The following PRKAR2A variants were observed in gnomAD, a reference collection of about 807,000 sequenced individuals.
PRKAR2A encodes the protein cAMP-dependent protein kinase type II-alpha regulatory subunit.
PRKAR2A carries 29 observed loss-of-function variants against 51.9 expected under a neutral mutation model. The observed-to-expected ratio is 0.56, with a 90% CI of 0.42 to 0.76. The LOEUF (loss-of-function observed/expected upper bound fraction) is 0.76, where lower values mean the gene tolerates loss of function less well. PRKAR2A is among the 30% of genes least tolerant of loss of function. The pLI, the probability that PRKAR2A is intolerant of heterozygous loss-of-function variation, is 0.00. For missense variants in PRKAR2A, 445 were observed against 512.1 expected (o/e 0.87, Z 1.26); for synonymous variants, 178 against 186.2 (o/e 0.96, Z 0.36).
At position 48,749,049 on chromosome 3, in the gene PRKAR2A, T is replaced by C. The variant is rs1198061445; in HGVS notation, c.*2536A>G. The C allele has an allele frequency of 6.6e-6, 1 of 152,230 alleles. No homozygotes were observed. The highest frequency in any genetic ancestry group is 1.5e-5 in the Non-Finnish European group (1 of 68,044). 9.4% of individuals were successfully genotyped at this position (152,230 alleles called of 1,614,324 possible). On this transcript the variant is annotated 3_prime_UTR_variant, in exon 11 of 11. Coordinates refer to ENST00000265563, the MANE Select transcript of PRKAR2A (RefSeq NM_004157.4). ...TGGCAAAAGCGGAAAGCCTAGCTTA[T>C]GTGGATAGTTGAAGGTGACTGTGTG...
At chr3:48,758,846 A>G (rs1288771859) in intron 8 of PRKAR2A, among the ~76,000 whole-genome samples, 1 of 152,176 alleles carries the variant, frequency 6.6e-6, no homozygotes. Context: ...GACTTTCCTC[A>G]GAAGCCTGGG....
intron 3 of PRKAR2A, among the ~76,000 whole-genome samples, 173 bp downstream of exon 3, chr3:48,793,824 T>C (rs1254947413): frequency 3.3e-5 from 5 of 152,170 alleles, no homozygotes; most frequent in South Asian, 4.1e-4. Context: ...CAGCTAGGCA[T>C]TGCTCACATA....
chr3:48,834,013 C>A (rs1380104492), intron 1 of PRKAR2A, among the ~76,000 whole-genome samples: 5 of 131,666 alleles, frequency 3.8e-5, no homozygotes, highest in Non-Finnish European at 4.8e-5. Context: ...CCAGGCTGGG[C>A]AACAAAGCAA....
At chr3:48,840,302 C>G (rs1276117054) in intron 1 of PRKAR2A, among the ~76,000 whole-genome samples, 10 of 152,004 alleles carry the variant, frequency 6.6e-5, no homozygotes, top group Non-Finnish European at 1.5e-4. Context: ...TGAGACCAGC[C>G]TGGCTAACAT....
At chr3:48,833,244 T>C (rs1276207528) in intron 1 of PRKAR2A, among the ~76,000 whole-genome samples, 1 of 152,154 alleles carries the variant, frequency 6.6e-6, no homozygotes, top group Non-Finnish European at 1.5e-5. Context: ...CTCGCCATAT[T>C]GCCCAGGCTG....
At chr3:48,769,509 T>C (rs1329438089) in intron 6 of PRKAR2A, among the ~76,000 whole-genome samples, 1 of 151,548 alleles carries the variant, frequency 6.6e-6, no homozygotes, top group Non-Finnish European at 1.5e-5. Context: ...GGAGTTTCGT[T>C]CTTGTTGACC....
intron 1 of PRKAR2A, among the ~76,000 whole-genome samples, chr3:48,821,419 T>C (rs2082958242): frequency 6.6e-6 from 1 of 152,208 alleles, no homozygotes; most frequent in African/African-American, 2.4e-5. Flanking sequence ...TCAAAACTCT[T>C]ACTGATAATC....
intron 9 of PRKAR2A, among the ~76,000 whole-genome samples, chr3:48,753,304 T>C (rs74666820): frequency 1.3e-5 from 2 of 151,938 alleles, no homozygotes; most frequent in Admixed American, 6.6e-5. Context: ...TTTTTTTTTT[T>C]AACAAATCCA....
intron 1 of PRKAR2A, among the ~76,000 whole-genome samples, chr3:48,840,102 T>A (rs1336439668): frequency 1.3e-5 from 2 of 151,842 alleles, no homozygotes; most frequent in Non-Finnish European, 3.0e-5. Flanking sequence ...TTACCTTCTG[T>A]AAGTGGAATC....
At chr3:48,755,845 CT>C (rs2081753917) in intron 9 of PRKAR2A, among the ~76,000 whole-genome samples, 1 of 148,614 alleles carries the variant, frequency 6.7e-6, no homozygotes, top group Admixed American at 6.8e-5. Flanking sequence ...GTGGTACGAT[CT>C]CAGCTGACTG....
intron 1 of PRKAR2A, among the ~76,000 whole-genome samples, chr3:48,841,145 C>T (rs115682653): frequency 0.023 from 3,492 of 151,270 alleles, 154 homozygotes; most frequent in African/African-American, 0.079. Context: ...CTCGGCCCCC[C>T]AGTGCTGGGA....
At chr3:48,784,836 T>G (rs1486457141) in intron 4 of PRKAR2A, among the ~76,000 whole-genome samples, 2 of 152,158 alleles carry the variant, frequency 1.3e-5, no homozygotes, top group Non-Finnish European at 2.9e-5. Context: ...AAAGGTTTCA[T>G]TATAGGTTGT....
chr3:48,786,279 C>G (rs1413998431), intron 4 of PRKAR2A, among the ~76,000 whole-genome samples: 1 of 150,848 alleles, frequency 6.6e-6, no homozygotes, highest in Non-Finnish European at 1.5e-5. Flanking sequence ...TGTGTGCCAC[C>G]ATGCCCAGCT....
intron 5 of PRKAR2A, among the ~76,000 whole-genome samples, chr3:48,777,819 G>C (rs9882667): frequency 6.6e-6 from 1 of 152,116 alleles, no homozygotes; most frequent in Non-Finnish European, 1.5e-5. Context: ...CCTGCTCTCA[G>C]GGGAGCTTAC....
chr3:48,801,979 G>A (rs1232191072), intron 2 of PRKAR2A, among the ~76,000 whole-genome samples: 5 of 151,604 alleles, frequency 3.3e-5, no homozygotes, highest in Admixed American at 6.6e-5. Context: ...GTACGATCTC[G>A]GTTCACTGCA....
intron 9 of PRKAR2A, among the ~76,000 whole-genome samples, chr3:48,753,944 C>CTGGA (rs1200755149): frequency 2.1e-5 from 3 of 141,608 alleles, no homozygotes; most frequent in African/African-American, 8.0e-5. Flanking sequence ...GTTGCCCAGG[C>CTGGA]TGGAGTGCAG....
At chr3:48,815,891 C>T (rs567676103) in intron 1 of PRKAR2A, among the ~76,000 whole-genome samples, 12 of 150,298 alleles carry the variant, frequency 8.0e-5, no homozygotes, top group African/African-American at 1.5e-4. Context: ...TGGTGGCACG[C>T]GCCTGTAATC....
intron 4 of PRKAR2A, among the ~76,000 whole-genome samples, chr3:48,783,332 A>C (rs1043803091): frequency 2.0e-5 from 3 of 152,042 alleles, no homozygotes; most frequent in African/African-American, 7.2e-5. Flanking sequence ...GCTTCCCAAA[A>C]TTTACACAAA....
chr3:48,844,995 A>C lies in PRKAR2A; in HGVS notation c.262+2340T>G, dbSNP rs539931447. The stretch of plus-strand genomic sequence containing the variant: ...TAAAGTATAATAAAAAAGAAAAAAA[A>C]CTTGTAAACTTTTACTCATCTGAGG... On this transcript the variant is annotated intron_variant, in intron 1 of 10. Transcript: ENST00000265563. Among the ~76,000 whole-genome samples the C allele has an allele frequency of 2.2e-4, 33 of 152,250 alleles. No homozygotes were observed. The East Asian group carries it at 5.6e-3, about 26-fold the overall frequency.
Sources: gnomAD v4.1 joint callset for allele counts (sites outside exome capture counted in the v4.1 genomes callset) on GRCh38, gnomAD v4.1.1 for gene constraint, MANE v1.5 for transcripts, NCBI Gene and HGNC (gene_info 2026-07-23, HGNC 2026-07-21) for gene names.